The following SEMA3E variants were observed in gnomAD, a reference collection of about 807,000 sequenced individuals.
The protein encoded by SEMA3E is semaphorin-3E.
In SEMA3E, 49 loss-of-function variants were observed where a neutral mutation model predicts 93.6. The observed-to-expected ratio is 0.52, with a 90% CI of 0.42 to 0.66. The LOEUF is 0.66. Among genes scored for constraint, SEMA3E ranks in the 30% least tolerant of loss-of-function variants. The probability of loss-of-function intolerance (pLI) is 0.00; values close to 1 mark genes in which losing one functional copy is unlikely to be tolerated. For synonymous variants in SEMA3E, 363 were observed against 330.7 expected, an observed-to-expected ratio of 1.10 and a Z score of -1.06; for missense variants, 906 against 964.8, an observed-to-expected ratio of 0.94 and a Z score of 0.81.
In SEMA3E at chr7:83,477,727, T is replaced by C. The variant is rs1272926645; in HGVS notation, c.277-8425A>G. 2.0e-5 allele frequency among the ~76,000 whole-genome samples: 3 copies of C among 152,128 alleles called. No individual in the cohort carries two copies. In the East Asian group the frequency reaches 5.8e-4, roughly 29 times the overall value. On this transcript the variant is annotated intron_variant, in intron 2 of 16. Coordinates refer to ENST00000643230, the MANE Select transcript of SEMA3E (RefSeq NM_012431.3). ...TTGGTATAATTAATGTGAAATGCCATCTGACATTTATGTACAAATTGTACA... is the reference window on the plus strand; with the variant it reads ...TTGGTATAATTAATGTGAAATGCCACCTGACATTTATGTACAAATTGTACA...
At chr7:83,445,653 C>T (rs1480128480) in intron 4 of SEMA3E, among the ~76,000 whole-genome samples, 2 of 152,086 alleles carry the variant, frequency 1.3e-5, no homozygotes, top group East Asian at 1.9e-4. Flanking sequence ...AGGAGGCAGA[C>T]GTTGCAGTGA....
intron 1 of SEMA3E, among the ~76,000 whole-genome samples, chr7:83,562,776 G>A (rs565291374): frequency 3.9e-5 from 6 of 152,088 alleles, no homozygotes; most frequent in African/African-American, 7.2e-5. Context: ...TTTTAGTAGC[G>A]CGAAGAAGAA....
intron 1 of SEMA3E, among the ~76,000 whole-genome samples, chr7:83,560,593 C>G (rs1693809331): frequency 6.6e-6 from 1 of 151,978 alleles, no homozygotes; most frequent in African/African-American, 2.4e-5. Context: ...ATTTCCTATG[C>G]ATGTGTGGTT....
At chr7:83,436,251 G>C (rs535823334) in intron 4 of SEMA3E, among the ~76,000 whole-genome samples, 2 of 151,400 alleles carry the variant, frequency 1.3e-5, no homozygotes, top group Non-Finnish European at 2.9e-5. Context: ...AAATCTAAAA[G>C]GTCAGGCATA....
chr7:83,564,715 G>C (rs1792105841), intron 1 of SEMA3E, among the ~76,000 whole-genome samples: 1 of 151,832 alleles, frequency 6.6e-6, no homozygotes, highest in African/African-American at 2.4e-5. Context: ...CACCTGACTT[G>C]GTATCTGACT....
intron 2 of SEMA3E, among the ~76,000 whole-genome samples, chr7:83,477,690 A>C (rs1381371242): frequency 6.6e-6 from 1 of 152,100 alleles, no homozygotes; most frequent in Admixed American, 6.5e-5. Context: ...TGTATGGATA[A>C]AATTTACTCA....
intron 1 of SEMA3E, among the ~76,000 whole-genome samples, chr7:83,547,518 T>A (rs1791676972): frequency 6.6e-6 from 1 of 152,114 alleles, no homozygotes; most frequent in Non-Finnish European, 1.5e-5. Context: ...CTGCCACATT[T>A]CACAGCCTAA....
At chr7:83,615,994 GAA>G (rs75361688) in intron 1 of SEMA3E, among the ~76,000 whole-genome samples, 4 of 130,894 alleles carry the variant, frequency 3.1e-5, no homozygotes, top group East Asian at 2.2e-4. Context: ...TTAAGAAAAG[GAA>G]AAAAAAAAAA....
chr7:83,376,657 A>C (rs10256414), intron 16 of SEMA3E, among the ~76,000 whole-genome samples: 1,625 of 152,110 alleles, frequency 0.011, 40 homozygotes, highest in African/African-American at 0.036. Flanking sequence ...CAATTTTGGT[A>C]TTGAGTAAAA....
intron 16 of SEMA3E, among the ~76,000 whole-genome samples, chr7:83,383,601 C>A (rs1052670485): frequency 6.6e-6 from 1 of 151,802 alleles, no homozygotes; most frequent in Non-Finnish European, 1.5e-5. Flanking sequence ...CAAATATCAG[C>A]AAATACATTA....
intron 1 of SEMA3E, among the ~76,000 whole-genome samples, chr7:83,511,227 G>T (rs1469496231): frequency 2.0e-5 from 3 of 150,052 alleles, no homozygotes; most frequent in Non-Finnish European, 4.4e-5. Flanking sequence ...CAGGACAATT[G>T]TACTAAGTGC....
At chr7:83,420,375 C>T (rs1018364242) in intron 4 of SEMA3E, among the ~76,000 whole-genome samples, 24 of 152,280 alleles carry the variant, frequency 1.6e-4, no homozygotes, top group African/African-American at 5.8e-4. Flanking sequence ...AATGGCCATA[C>T]TGCCCAAAGC....
intron 11 of SEMA3E, among the ~76,000 whole-genome samples, chr7:83,398,946 G>GA (rs375327258): frequency 6.6e-6 from 1 of 150,406 alleles, no homozygotes; most frequent in Non-Finnish European, 1.5e-5. Context: ...CCCAGCTCAG[G>GA]AAAAAACAAA....
At chr7:83,604,923 T>G (rs1002176385) in intron 1 of SEMA3E, among the ~76,000 whole-genome samples, 1 of 152,168 alleles carries the variant, frequency 6.6e-6, no homozygotes, top group African/African-American at 2.4e-5. Flanking sequence ...CTGAGGATGA[T>G]GGCTTTCAGT....
At chr7:83,643,143 A>G (rs1202976970) in intron 1 of SEMA3E, among the ~76,000 whole-genome samples, 1 of 152,074 alleles carries the variant, frequency 6.6e-6, no homozygotes, top group Non-Finnish European at 1.5e-5. Context: ...TTATGTGGTC[A>G]TAGAACTGAG....
chr7:83,594,104 A>G (rs984647047), intron 1 of SEMA3E, among the ~76,000 whole-genome samples: 4 of 152,182 alleles, frequency 2.6e-5, no homozygotes, highest in African/African-American at 9.6e-5. Context: ...AATTATGCCA[A>G]TATGGAGAAC....
At chr7:83,456,968 T>C (rs560912213) in intron 4 of SEMA3E, among the ~76,000 whole-genome samples, 5 of 152,214 alleles carry the variant, frequency 3.3e-5, no homozygotes, top group African/African-American at 9.6e-5. Context: ...TATGTCACTA[T>C]TCAGTAATCT....
At chr7:83,451,063 G>T (rs1359895572) in intron 4 of SEMA3E, among the ~76,000 whole-genome samples, 1 of 152,108 alleles carries the variant, frequency 6.6e-6, no homozygotes, top group African/African-American at 2.4e-5. Context: ...AAGTTCTCAT[G>T]AGATCTGATG....
At chr7:83,551,165 C>A (rs1051851315) in intron 1 of SEMA3E, among the ~76,000 whole-genome samples, 2 of 152,036 alleles carry the variant, frequency 1.3e-5, no homozygotes, top group African/African-American at 4.8e-5. Context: ...CAATTCACTT[C>A]TAAGTATACA....
Sources: allele counts gnomAD v4.1 joint callset (sites outside exome capture counted in the v4.1 genomes callset), GRCh38; gene constraint gnomAD v4.1.1; transcripts MANE v1.5; gene names NCBI Gene and HGNC (gene_info 2026-07-23, HGNC 2026-07-21).